RANBP2: variants seen among roughly 807,000 people sequenced by gnomAD.
RANBP2 encodes E3 SUMO-protein ligase RanBP2.
In RANBP2, 57 loss-of-function variants were observed where a neutral mutation model predicts 303.6. The observed-to-expected ratio is 0.19, with a 90% CI of 0.15 to 0.23. RANBP2 has a LOEUF of 0.23. Among genes scored for constraint, RANBP2 ranks in the 10% least tolerant of loss-of-function variants. The pLI is 1.00. For synonymous variants in RANBP2, 1,167 were observed against 1,301.5 expected (o/e 0.90, Z 2.23); for missense variants, 3,138 against 3,780.8 (o/e 0.83, Z 4.46).
chr2:108,839,525 A>T, the RANBP2 span, among the ~76,000 whole-genome samples: 1 of 152,172 alleles, frequency 6.6e-6, no homozygotes, highest in Non-Finnish European at 1.5e-5. Flanking sequence ...TGAACATAAA[A>T]TGTCTGTCCA....
the RANBP2 span, chr2:109,129,979 C>T: frequency 7.6e-7 from 1 of 1,307,476 alleles, no homozygotes; most frequent in Non-Finnish European, 9.7e-7. Context: ...GAGTGCGGCC[C>T]CCACGCTCGC....
At chr2:108,737,245 C>T (rs537936933) in intron 6 of RANBP2, among the ~76,000 whole-genome samples, 7 of 151,542 alleles carry the variant, frequency 4.6e-5, no homozygotes, top group Non-Finnish European at 7.4e-5. Context: ...TCTTTGTATA[C>T]TCAAATTTTT....
chr2:108,986,311 T>G, the RANBP2 span, among the ~76,000 whole-genome samples: 1 of 152,166 alleles, frequency 6.6e-6, no homozygotes, highest in African/African-American at 2.4e-5. Context: ...TTCCTCTTGA[T>G]CCCTCGCCTC....
the RANBP2 span, among the ~76,000 whole-genome samples, chr2:109,413,000 A>G: frequency 2.0e-5 from 3 of 152,096 alleles, no homozygotes; most frequent in African/African-American, 7.2e-5. Context: ...TGTCCTTGTC[A>G]GCCTGCCAGC....
chr2:109,281,919 G>A, the RANBP2 span, among the ~76,000 whole-genome samples: 44 of 152,292 alleles, frequency 2.9e-4, no homozygotes, highest in Non-Finnish European at 5.6e-4. Flanking sequence ...CATGTGGCAG[G>A]AGCTGAAAGG....
the RANBP2 span, among the ~76,000 whole-genome samples, chr2:109,214,742 T>C: frequency 6.6e-6 from 1 of 152,220 alleles, no homozygotes; most frequent in East Asian, 1.9e-4. Flanking sequence ...TGGTGACATT[T>C]AGCTGTGTGG....
chr2:108,751,295 G>C lies in RANBP2; in HGVS notation c.1305G>C (p.Gln435His), dbSNP rs1217118999. The C allele has an allele frequency of 7.4e-6, 12 of 1,611,798 alleles. No individual in the cohort carries two copies. Among genetic ancestry groups the C allele is most frequent in the Non-Finnish European group, 1.0e-5 (12 of 1,179,810 alleles). ...TTCGAGCACATAATGGTAGTCTTCA[G>C]CACCTTACTTGGCTTGGCTTACAGT... Reference protein sequence around the residue: ...GAIRAHNGSLQHLTWLGLQWN... With the variant: ...GAIRAHNGSLHHLTWLGLQWN... Residue 435 changes from glutamine (Q) to histidine (H), a missense_variant, in exon 10 of 29, where the codon CAG becomes CAC. Transcript: ENST00000283195.
chr2:109,264,938 T>C, the RANBP2 span, among the ~76,000 whole-genome samples: 1 of 152,280 alleles, frequency 6.6e-6, no homozygotes, highest in African/African-American at 2.4e-5. Context: ...GTAAGAAATG[T>C]AGGATTTTGT....
chr2:109,281,113 G>T, the RANBP2 span, among the ~76,000 whole-genome samples: 4 of 152,204 alleles, frequency 2.6e-5, no homozygotes, highest in Admixed American at 2.6e-4. Context: ...CTGAGAGACA[G>T]GAATGGGCAC....
At chr2:109,688,931 C>T in the RANBP2 span, among the ~76,000 whole-genome samples, 95 of 148,292 alleles carry the variant, frequency 6.4e-4, 2 homozygotes, top group African/African-American at 2.3e-3. Flanking sequence ...TTTTTTAAGA[C>T]GGAGTTTCAC....
chr2:109,024,296 T>G, the RANBP2 span, among the ~76,000 whole-genome samples: 1 of 152,232 alleles, frequency 6.6e-6, no homozygotes, highest in African/African-American at 2.4e-5. Context: ...ATCATGAATG[T>G]ACAAAAACTT....
the RANBP2 span, among the ~76,000 whole-genome samples, chr2:109,220,369 T>C: frequency 0.42 from 64,416 of 152,040 alleles, 16,176 homozygotes; most frequent in East Asian, 0.8. Context: ...AATTAGGCAA[T>C]GATTTCTTGA....
At chr2:109,549,055 T>C in the RANBP2 span, among the ~76,000 whole-genome samples, 1 of 152,198 alleles carries the variant, frequency 6.6e-6, no homozygotes, top group African/African-American at 2.4e-5. Flanking sequence ...TTCCTTAGTA[T>C]TTGCTTATTT....
intron 7 of RANBP2, among the ~76,000 whole-genome samples, chr2:108,743,226 G>A (rs1350966088): frequency 6.6e-6 from 1 of 152,142 alleles, no homozygotes; most frequent in Non-Finnish European, 1.5e-5. Context: ...AAGCTTCCCA[G>A]AGTGCTGGGA....
the RANBP2 span, chr2:108,876,449 T>TTAC: frequency 2.5e-6 from 1 of 397,876 alleles, no homozygotes; most frequent in Admixed American, 4.0e-5. Context: ...TCAGGTAAGG[T>TTAC]AATACTAATA....
chr2:109,566,470 G>C, the RANBP2 span, among the ~76,000 whole-genome samples: 1 of 152,018 alleles, frequency 6.6e-6, no homozygotes, highest in African/African-American at 2.4e-5. Flanking sequence ...AAAAGACAAA[G>C]ATAATGTTGA....
the RANBP2 span, among the ~76,000 whole-genome samples, chr2:108,963,424 T>TA: frequency 6.6e-6 from 1 of 152,110 alleles, no homozygotes; most frequent in African/African-American, 2.4e-5. Context: ...CAAGGACATT[T>TA]AAAAAAATTG....
At chr2:109,072,496 A>G in the RANBP2 span, among the ~76,000 whole-genome samples, 1 of 152,182 alleles carries the variant, frequency 6.6e-6, no homozygotes, top group Non-Finnish European at 1.5e-5. Context: ...GCTTCTCCTT[A>G]GAAAGAGTTG....
At chr2:108,812,602 TG>T in the RANBP2 span, 1 of 1,551,542 alleles carries the variant, frequency 6.4e-7, no homozygotes, top group Non-Finnish European at 8.9e-7. Context: ...AGGTGTATAT[TG>T]AAATATCTAA....
Sources: allele counts gnomAD v4.1 joint callset (sites outside exome capture counted in the v4.1 genomes callset), GRCh38; gene constraint gnomAD v4.1.1; transcripts MANE v1.5; gene names NCBI Gene and HGNC (gene_info 2026-07-23, HGNC 2026-07-21).